Variants in HIPK3 observed in about 807,000 individuals in gnomAD.
HIPK3 encodes homeodomain interacting protein kinase 3, also known as homeodomain-interacting protein kinase 3.
Under a neutral mutation model 124.2 loss-of-function variants are expected in HIPK3, and 47 were observed. That is an observed-to-expected ratio of 0.38 (90% CI 0.30 to 0.48). The LOEUF (loss-of-function observed/expected upper bound fraction) is 0.48, where lower values mean the gene tolerates loss of function less well. HIPK3 is among the 20% of genes least tolerant of loss of function. The pLI, the probability that HIPK3 is intolerant of heterozygous loss-of-function variation, is 0.98. For missense variants in HIPK3, 1,286 were observed against 1,454.3 expected (o/e 0.88, Z 1.88); for synonymous variants, 482 against 515.2 (o/e 0.94, Z 0.87).
intron 1 of HIPK3, among the ~76,000 whole-genome samples, chr11:33,262,685 CAG>C (rs1316461828): frequency 1.3e-5 from 2 of 152,240 alleles, no homozygotes; most frequent in Non-Finnish European, 2.9e-5. Flanking sequence ...CTCTTTTCAA[CAG>C]AAAGTCCTTG....
chr11:33,317,950 ATAAGAGCTTTGTTT>A (rs1415964204), intron 2 of HIPK3, among the ~76,000 whole-genome samples: 1 of 152,208 alleles, frequency 6.6e-6, no homozygotes, highest in Non-Finnish European at 1.5e-5. Flanking sequence ...GTCCCCCAAA[ATAAGAGCTTTGTTT>A]TAACTAAGAG....
At chr11:33,306,642 G>T (rs1280498066) in intron 2 of HIPK3, among the ~76,000 whole-genome samples, 2 of 152,140 alleles carry the variant, frequency 1.3e-5, no homozygotes, top group African/African-American at 4.8e-5. Context: ...CCTCAGTTTA[G>T]TCATCTGTAA....
At chr11:33,292,727 C>G (rs1367614208) in intron 2 of HIPK3, among the ~76,000 whole-genome samples, 1 of 152,094 alleles carries the variant, frequency 6.6e-6, no homozygotes, top group African/African-American at 2.4e-5. Context: ...TTAGGAAATT[C>G]TAAAATGAAA....
chr11:33,352,265 G>A lies in HIPK3; in HGVS notation c.3171G>A (p.Gln1057=). 1 of 1,613,824 alleles carries A rather than the reference G, an allele frequency of 6.2e-7. No individual in the cohort carries two copies. Among genetic ancestry groups the A allele is most frequent in the South Asian group, 1.1e-5 (1 of 91,072 alleles). The change falls in exon 16 of 17, where the codon CAG becomes CAA. Residue 1057 remains glutamine (Q), a splice_region_variant and synonymous_variant. Transcript: ENST00000303296. ...AGCAGCAGCATTTGAACTTCAGTCAGGTATGTTCATTTGTGGATATGTAGG... is the reference window on the plus strand; with the variant it reads ...AGCAGCAGCATTTGAACTTCAGTCAAGTATGTTCATTTGTGGATATGTAGG... ...AFQQQHLNFS[Q]VQHFGSGHQE...
At position 33,257,592 on chromosome 11, in the gene HIPK3, C is replaced by T; in HGVS notation, c.-300C>T. 1.0e-6 allele frequency: 1 copy of T among 986,594 alleles called. No individual in the cohort carries two copies. The highest frequency in any genetic ancestry group is 1.2e-6 in the Non-Finnish European group (1 of 830,558). The allele number at this position is 986,594 out of a possible 1,614,324, so 61.1% of individuals were successfully genotyped here. A position where few individuals can be genotyped will look rare whatever the true frequency, so the allele number is the denominator to read the frequency against. ...CCGACCGGCCTCCCACTACCCCTCG[C>T]CCTAGCCAAGCCGTCCCCACCCCAA... On this transcript the variant is annotated 5_prime_UTR_variant, in exon 1 of 17. Coordinates refer to ENST00000303296, the MANE Select transcript of HIPK3 (RefSeq NM_005734.5).
At chr11:33,351,225 A>G (rs1042869878) in intron 14 of HIPK3, among the ~76,000 whole-genome samples, 1 of 152,238 alleles carries the variant, frequency 6.6e-6, no homozygotes, top group Non-Finnish European at 1.5e-5. Flanking sequence ...GCCAAGTCAC[A>G]TACATATATG....
At chr11:33,263,221 C>CT (rs572627543) in intron 1 of HIPK3, among the ~76,000 whole-genome samples, 49 of 152,148 alleles carry the variant, frequency 3.2e-4, no homozygotes, top group Non-Finnish European at 6.3e-4. Flanking sequence ...CTGTAGGAGA[C>CT]TGAGTGGGAG....
At chr11:33,320,374 A>C (rs1852628717) in intron 2 of HIPK3, among the ~76,000 whole-genome samples, 1 of 152,084 alleles carries the variant, frequency 6.6e-6, no homozygotes, top group African/African-American at 2.4e-5. Flanking sequence ...GTTGGATTAG[A>C]GTGGTAACAG....
chr11:33,348,924 TAAAACCTTTA>T, intron 13 of HIPK3, 106 bp downstream of exon 13: 1 of 1,095,610 alleles, frequency 9.1e-7, no homozygotes, highest in South Asian at 1.6e-5. Flanking sequence ...TACTCTGGAG[TAAAACCTTTA>T]AATTAGATAA....
intron 1 of HIPK3, among the ~76,000 whole-genome samples, chr11:33,277,294 A>T (rs1341790623): frequency 6.6e-6 from 1 of 152,142 alleles, no homozygotes; most frequent in Non-Finnish European, 1.5e-5. Flanking sequence ...ATAATAAATG[A>T]TACATGCTCT....
chr11:33,277,296 A>G (rs1469841157), intron 1 of HIPK3, among the ~76,000 whole-genome samples: 2 of 152,170 alleles, frequency 1.3e-5, no homozygotes, highest in African/African-American at 2.4e-5. Flanking sequence ...AATAAATGAT[A>G]CATGCTCTTC....
chr11:33,338,716 G>A (rs761926809), intron 4 of HIPK3, 41 bp from the exon 5 acceptor site: 10 of 1,297,884 alleles, frequency 7.7e-6, no homozygotes, highest in South Asian at 2.5e-5. Flanking sequence ...AAAGAAATTT[G>A]TAATAATGTA....
In HIPK3 at chr11:33,330,819, T is replaced by G. The variant is rs947096470; in HGVS notation, c.1221+2186T>G. 4.6e-5 allele frequency among the ~76,000 whole-genome samples: 7 copies of G among 152,212 alleles called. No individual in the cohort carries two copies. The South Asian group carries it at 6.2e-4, about 14-fold the overall frequency. ...TTTTCCCTATCAGTCTTAACTTGGT[T>G]TAGGACTTTCAAGTGCTTTTTTTTT... On this transcript the variant is annotated intron_variant, in intron 3 of 16. Transcript: ENST00000303296.
intron 2 of HIPK3, among the ~76,000 whole-genome samples, chr11:33,300,580 G>A (rs1329584711): frequency 6.6e-6 from 1 of 152,164 alleles, no homozygotes; most frequent in Non-Finnish European, 1.5e-5. Flanking sequence ...ACAGTATAAT[G>A]TAAACATAAC....
chr11:33,325,581 C>G (rs1252067828), intron 2 of HIPK3, among the ~76,000 whole-genome samples: 1 of 152,158 alleles, frequency 6.6e-6, no homozygotes, highest in African/African-American at 2.4e-5. Context: ...GCCCCGTTCT[C>G]TTTCTTTCTG....
At chr11:33,306,098 T>G (rs1011618718) in intron 2 of HIPK3, among the ~76,000 whole-genome samples, 1 of 152,236 alleles carries the variant, frequency 6.6e-6, no homozygotes, top group African/African-American at 2.4e-5. Context: ...TTCGTCTAAC[T>G]TAATTTATAG....
At chr11:33,287,733 A>T (rs1405222986) in intron 2 of HIPK3, among the ~76,000 whole-genome samples, 3 of 152,174 alleles carry the variant, frequency 2.0e-5, no homozygotes, top group African/African-American at 7.2e-5. Context: ...TGCCAAAGAC[A>T]TCTGGTTATT....
chr11:33,272,505 TCTTTAGTTTTTCTGG>T (rs1851154212), intron 1 of HIPK3, among the ~76,000 whole-genome samples: 1 of 152,184 alleles, frequency 6.6e-6, no homozygotes, highest in Non-Finnish European at 1.5e-5. Context: ...ACATTGCTGT[TCTTTAGTTTTTCTGG>T]CTTTCCTAAG....
chr11:33,316,979 T>C (rs1852521032), intron 2 of HIPK3, among the ~76,000 whole-genome samples: 1 of 152,226 alleles, frequency 6.6e-6, no homozygotes, highest in Non-Finnish European at 1.5e-5. Context: ...TTTTTTATTA[T>C]GTGTTTAATT....
Sources: allele counts gnomAD v4.1 joint callset (sites outside exome capture counted in the v4.1 genomes callset), GRCh38; gene constraint gnomAD v4.1.1; transcripts MANE v1.5; gene names NCBI Gene and HGNC (gene_info 2026-07-23, HGNC 2026-07-21).